Variants in GDAP2 observed in about 807,000 individuals in gnomAD.
GDAP2 encodes ganglioside induced differentiation associated protein 2, also known as ganglioside-induced differentiation-associated protein 2.
In GDAP2, 51 loss-of-function variants were observed where a neutral mutation model predicts 67.0. That is an observed-to-expected ratio of 0.76 (90% CI 0.61 to 0.96). The LOEUF (loss-of-function observed/expected upper bound fraction) is 0.96. Ranked by LOEUF, GDAP2 falls within the 40% of genes least tolerant of loss-of-function variation. GDAP2 has a pLI of 0.00. For synonymous variants in GDAP2, 203 were observed against 207.3 expected (o/e 0.98, Z 0.18); for missense variants, 547 against 588.3 (o/e 0.93, Z 0.73).
At chr1:117,920,944 C>G (rs1323212373) in intron 1 of GDAP2, among the ~76,000 whole-genome samples, 1 of 151,880 alleles carries the variant, frequency 6.6e-6, no homozygotes, top group Non-Finnish European at 1.5e-5. Flanking sequence ...AGGCAAAATA[C>G]AAAGGAAGGA....
At chr1:117,873,910 T>A (rs1648373050) in intron 13 of GDAP2, among the ~76,000 whole-genome samples, 1 of 152,214 alleles carries the variant, frequency 6.6e-6, no homozygotes, top group Non-Finnish European at 1.5e-5. Context: ...GTCTCGTTTC[T>A]CTGCCAGCCT....
intron 9 of GDAP2, among the ~76,000 whole-genome samples, chr1:117,887,252 C>G (rs1648889256): frequency 6.6e-6 from 1 of 152,042 alleles, no homozygotes; most frequent in Admixed American, 6.6e-5. Flanking sequence ...TTATAAACAG[C>G]TTTTTGCTTA....
In GDAP2 at chr1:117,906,635, A is replaced by G. The variant is rs568593894; in HGVS notation, c.560-53T>C. 6.3e-4 allele frequency: 592 copies of G among 943,718 alleles called. 4 individuals carry two copies. In the African/African-American group the frequency reaches 9.0e-3, roughly 14 times the overall value. 58.5% of individuals were successfully genotyped at this position (943,718 alleles called of 1,614,324 possible). A position where few individuals can be genotyped will look rare whatever the true frequency, so the allele number is the denominator to read the frequency against. Reference sequence around the variant, plus strand: ...AATAAATAAAAAATTACTTATACATAAAGAAAAATCAAGCTCTTCAATGTT... The same window carrying G: ...AATAAATAAAAAATTACTTATACATGAAGAAAAATCAAGCTCTTCAATGTT... On this transcript the variant is annotated intron_variant, in intron 5 of 13. Coordinates refer to ENST00000369443, the MANE Select transcript of GDAP2 (RefSeq NM_017686.4).
rs77424928 is a variant in GDAP2 at position 117,910,911 on chromosome 1, T to C, written c.559+1083A>G. 9.8e-5 allele frequency among the ~76,000 whole-genome samples: 15 copies of C among 152,320 alleles called. No individual in the cohort carries two copies. The East Asian group carries it at 2.9e-3, about 29-fold the overall frequency. On this transcript the variant is annotated intron_variant, in intron 5 of 13. Coordinates refer to ENST00000369443, the MANE Select transcript of GDAP2 (RefSeq NM_017686.4). ...GATCTGTAAACTTCCTGAAATAACATGCAAATTCTGTATTTATGCACATTT... is the reference window on the plus strand; with the variant it reads ...GATCTGTAAACTTCCTGAAATAACACGCAAATTCTGTATTTATGCACATTT...
Position 117,922,799 on chromosome 1 carries a change from C to T in GDAP2, c.-67-2375G>A, listed in dbSNP as rs149131851. 6.8e-3 allele frequency among the ~76,000 whole-genome samples: 1,040 copies of T among 152,350 alleles called. 9 individuals carry two copies. Among genetic ancestry groups the T allele is most frequent in the African/African-American group, 0.023 (973 of 41,578 alleles). On this transcript the variant is annotated intron_variant, in intron 1 of 13. Transcript: ENST00000369443. Reference sequence around the variant, plus strand: ...ATGAACTTCCATGTCCCGCTGTGCACGCATTGTCAGGGTTCAAGAGCAGAG... The same window carrying T: ...ATGAACTTCCATGTCCCGCTGTGCATGCATTGTCAGGGTTCAAGAGCAGAG...
chr1:117,921,248 A>C (rs1044924825), intron 1 of GDAP2, among the ~76,000 whole-genome samples: 1 of 152,098 alleles, frequency 6.6e-6, no homozygotes, highest in Non-Finnish European at 1.5e-5. Context: ...CTAAAAAAAA[A>C]ATATTTGCAA....
chr1:117,908,307 T>C (rs2101150406), intron 5 of GDAP2, among the ~76,000 whole-genome samples: 1 of 152,272 alleles, frequency 6.6e-6, no homozygotes, highest in South Asian at 2.1e-4. Context: ...ACGGATGTGA[T>C]ATGCAATCAT....
At chr1:117,902,898 T>A (rs1274564779) in intron 6 of GDAP2, among the ~76,000 whole-genome samples, 1 of 152,224 alleles carries the variant, frequency 6.6e-6, no homozygotes, top group African/African-American at 2.4e-5. Context: ...TCTGTGAACA[T>A]AGATGTCTTT....
In GDAP2 at chr1:117,886,632, G is replaced by C. The variant is rs778256248; in HGVS notation, c.1052C>G (p.Thr351Arg). ...GTTTCTTCCAACTACCACCATCACT[G>C]TTCGACCACAGTTATCAACACCTAT... ...YQTGVDNCGRTVMVVVGRNIP... is the reference protein window; with the variant it reads ...YQTGVDNCGRRVMVVVGRNIP... Residue 351 changes from threonine (T) to arginine (R), a missense_variant, in exon 10 of 14, where the codon ACA (threonine) becomes AGA (arginine). Physicochemically the swap from Thr to Arg is moderately conservative, Grantham distance 71 (BLOSUM62 -1). Transcript: ENST00000369443. 6.3e-7 allele frequency: 1 copy of C among 1,584,198 alleles called. No individual in the cohort carries two copies. Among genetic ancestry groups the C allele is most frequent in the African/African-American group, 1.3e-5 (1 of 74,348 alleles).
chr1:117,901,912 G>A (rs1261405270), intron 6 of GDAP2, among the ~76,000 whole-genome samples: 2 of 152,068 alleles, frequency 1.3e-5, no homozygotes, highest in Non-Finnish European at 2.9e-5. Context: ...CAGGTATCAG[G>A]AATCTAGAGA....
rs780608279 is a variant in GDAP2, at chr1:117,896,904, A to G, written c.882T>C (p.Ile294=). 16 of 1,612,368 alleles carry G rather than the reference A, an allele frequency of 9.9e-6. No homozygotes were observed. The highest frequency in any genetic ancestry group is 1.4e-5 in the Non-Finnish European group (16 of 1,178,742). ...SHAFARMEGD[I]DKQRKLILQG... is the part of the protein sequence containing the mutation. ...GAAGGATCAGTTTTCTTTGCTTGTC[A>G]ATATCTCCTTCCATTCGAGCAAAAG... The change falls in exon 8 of 14, where the codon ATT becomes ATC. Residue 294 remains isoleucine, a synonymous_variant. Transcript: ENST00000369443.
intron 8 of GDAP2, among the ~76,000 whole-genome samples, chr1:117,895,362 C>T (rs749116217): frequency 2.4e-4 from 36 of 151,884 alleles, no homozygotes; most frequent in Non-Finnish European, 4.6e-4. Context: ...TGGCTGTCTT[C>T]CATTAAATCA....
At chr1:117,870,768 A>G (rs1436189885) in intron 13 of GDAP2, 152 bp from the exon 14 acceptor site, 13 of 682,212 alleles carry the variant, frequency 1.9e-5, no homozygotes, top group Admixed American at 9.9e-5. Flanking sequence ...TAGGTAGTTC[A>G]ACTAGTATCA....
At chr1:117,877,211 T>A (rs1443497328) in intron 13 of GDAP2, 1 of 800,942 alleles carries the variant, frequency 1.2e-6, no homozygotes, top group Non-Finnish European at 1.5e-6. Flanking sequence ...TAGAGAAATG[T>A]TAGAGAGAAA....
At chr1:117,924,889 T>C (rs1366209343) in intron 1 of GDAP2, among the ~76,000 whole-genome samples, 2 of 152,280 alleles carry the variant, frequency 1.3e-5, no homozygotes, top group East Asian at 1.9e-4. Context: ...ATGAAGACTA[T>C]ATACTCTTCT....
rs182188508 is a variant in GDAP2 at position 117,891,735 on chromosome 1, A to C, written c.954-3961T>G. Among the ~76,000 whole-genome samples the C allele has an allele frequency of 3.7e-3, 559 of 152,198 alleles. 3 individuals are homozygous for C. The highest frequency in any genetic ancestry group is 0.013 in the African/African-American group (547 of 41,570). On this transcript the variant is annotated intron_variant, in intron 8 of 13. Coordinates refer to ENST00000369443, the MANE Select transcript of GDAP2 (RefSeq NM_017686.4). Reference sequence around the variant, plus strand: ...CTACTTTCAAAAGTTCTTAATTTTAATATAGTCAAAACTATTTTTTCTTTG... The same window carrying C: ...CTACTTTCAAAAGTTCTTAATTTTACTATAGTCAAAACTATTTTTTCTTTG...
Position 117,868,282 on chromosome 1 carries a change from T to A in GDAP2, c.*2287A>T, listed in dbSNP as rs1648143062. ...ATAAAAGCATGAACTTGGTCCCACA[T>A]CAAATTTAGTTTCAGTGAGAAGAGT... On this transcript the variant is annotated 3_prime_UTR_variant, in exon 14 of 14. Coordinates refer to ENST00000369443, the MANE Select transcript of GDAP2 (RefSeq NM_017686.4). The A allele has an allele frequency of 6.6e-6, 1 of 152,218 alleles. No homozygotes were observed. Among genetic ancestry groups the A allele is most frequent in the African/African-American group, 2.4e-5 (1 of 41,448 alleles). 9.4% of individuals were successfully genotyped at this position (152,218 alleles called of 1,614,324 possible).
At chr1:117,896,483 A>T (rs1649269555) in intron 8 of GDAP2, 1 of 167,582 alleles carries the variant, frequency 6.0e-6, no homozygotes, top group Non-Finnish European at 1.3e-5. Flanking sequence ...AATTATAAAC[A>T]TAGTAGAGCT....
rs751290033 is a variant in GDAP2 at position 117,912,033 on chromosome 1, G to A, written c.520C>T (p.Arg174Cys). 3.1e-6 allele frequency: 5 copies of A among 1,609,060 alleles called. No homozygotes were observed. The highest frequency in any genetic ancestry group is 1.7e-5 in the Admixed American group (1 of 59,944). ...VGFCVINSAKRGYPLEDATHI... is the reference protein window; with the variant it reads ...VGFCVINSAKCGYPLEDATHI... ...GTTGCATCCTCTAAAGGATAACCAC[G>A]TTTTGCAGAATTGATGACACAGAAG... Residue 174 changes from arginine to cysteine, a missense_variant, in exon 5 of 14, where the codon CGT becomes TGT. By Grantham distance (180) the Arg-to-Cys change is radical. Transcript: ENST00000369443.
Sources: gnomAD v4.1 joint callset for allele counts (sites outside exome capture counted in the v4.1 genomes callset) on GRCh38, gnomAD v4.1.1 for gene constraint, MANE v1.5 for transcripts, NCBI Gene and HGNC (gene_info 2026-07-23, HGNC 2026-07-21) for gene names.